ATP2C1: variants seen among roughly 807,000 people sequenced by gnomAD.
ATP2C1 encodes the protein ATPase secretory pathway Ca2+ transporting 1.
ATP2C1 carries 31 observed loss-of-function variants against 120.5 expected under a neutral mutation model. That is an observed-to-expected ratio of 0.26 (90% CI 0.19 to 0.35). The LOEUF (loss-of-function observed/expected upper bound fraction) is 0.35. Ranked by LOEUF, ATP2C1 falls within the 10% of genes least tolerant of loss-of-function variation. The pLI is 1.00. For missense variants in ATP2C1, 731 were observed against 1,107.5 expected (o/e 0.66, Z 4.83); for synonymous variants, 351 against 358.7 (o/e 0.98, Z 0.24).
intron 1 of ATP2C1, among the ~76,000 whole-genome samples, chr3:130,865,674 A>C (rs1190024962): frequency 2.0e-5 from 3 of 152,204 alleles, no homozygotes; most frequent in African/African-American, 7.2e-5. Context: ...TGGGTTTATC[A>C]GGGGTTTCTG....
At chr3:130,949,898 T>C (rs918809816) in intron 8 of ATP2C1, among the ~76,000 whole-genome samples, 10 of 152,138 alleles carry the variant, frequency 6.6e-5, no homozygotes, top group Non-Finnish European at 1.5e-4. Context: ...TTTTGGAAGA[T>C]TGTTTTCTGG....
chr3:130,856,822 A>G (rs2067855928), intron 1 of ATP2C1, among the ~76,000 whole-genome samples: 1 of 152,172 alleles, frequency 6.6e-6, no homozygotes, highest in Admixed American at 6.6e-5. Flanking sequence ...GGAGGAAAAG[A>G]TTTTCCTTGT....
rs1329817993 is a variant in ATP2C1 at position 130,967,203 on chromosome 3, A to G, written c.1181A>G (p.His394Arg). ...GTGATTGTTGATGGTGATGTTGTTC[A>G]TGGATTCTATAACCCAGCTGTTAGC... is the stretch of plus-strand genomic sequence containing the variant. Reference protein sequence around the residue: ...GEVIVDGDVVHGFYNPAVSRI... With the variant: ...GEVIVDGDVVRGFYNPAVSRI... Residue 394 changes from histidine (H) to arginine (R), a missense_variant, in exon 15 of 28, where the codon CAT (histidine) becomes CGT (arginine). His to Arg is a conservative substitution (Grantham distance 29). This residue lies in a region of ATP2C1 where 571 missense variants were observed against 845.9 expected (regional missense o/e 0.67). Coordinates refer to ENST00000510168, the MANE Select transcript of ATP2C1 (RefSeq NM_001378687.1). 12 of 1,613,794 alleles carry G rather than the reference A, an allele frequency of 7.4e-6. No individual in the cohort carries two copies. The East Asian group carries it at 2.5e-4, about 33-fold the overall frequency.
chr3:131,008,245 C>T (rs796669689), intron 26 of ATP2C1, among the ~76,000 whole-genome samples: 8 of 152,148 alleles, frequency 5.3e-5, no homozygotes, highest in African/African-American at 1.9e-4. Flanking sequence ...CGAGACCAGT[C>T]TGGCCAACAT....
chr3:130,867,683 C>A (rs1414824142), intron 1 of ATP2C1, among the ~76,000 whole-genome samples: 1 of 150,816 alleles, frequency 6.6e-6, no homozygotes, highest in East Asian at 2.0e-4. Context: ...CCCAAAGAGC[C>A]GAGATTGCAG....
intron 20 of ATP2C1, among the ~76,000 whole-genome samples, chr3:130,990,708 GT>G (rs1227609190): frequency 6.6e-6 from 1 of 152,188 alleles, no homozygotes; most frequent in Non-Finnish European, 1.5e-5. Flanking sequence ...AAGAAAATCA[GT>G]TTGGAGGTAT....
chr3:130,972,912 A>T (rs563489622), intron 17 of ATP2C1, among the ~76,000 whole-genome samples: 1 of 152,270 alleles, frequency 6.6e-6, no homozygotes, highest in African/African-American at 2.4e-5. Context: ...AAACCAACAG[A>T]GAAAGGGATC....
chr3:130,853,071 A>G (rs2067725775), intron 1 of ATP2C1, among the ~76,000 whole-genome samples: 1 of 152,190 alleles, frequency 6.6e-6, no homozygotes, highest in Non-Finnish European at 1.5e-5. Flanking sequence ...TAATTCCTCA[A>G]TATTTTTCTG....
At chr3:130,986,244 G>A (rs989451601) in intron 20 of ATP2C1, among the ~76,000 whole-genome samples, 2 of 139,902 alleles carry the variant, frequency 1.4e-5, no homozygotes, top group Non-Finnish European at 3.1e-5. Flanking sequence ...GTTTATTTCT[G>A]AATAAATCCC....
At chr3:130,996,855 TTAAG>T in intron 24 of ATP2C1, 59 bp downstream of exon 24, 1 of 1,190,488 alleles carries the variant, frequency 8.4e-7, no homozygotes, top group East Asian at 2.3e-5. Context: ...ACCCTGATAA[TTAAG>T]TTTTAAAACT....
chr3:131,001,199 C>G, intron 27 of ATP2C1, 21 bp from the exon 28 acceptor site: 1 of 1,606,960 alleles, frequency 6.2e-7, no homozygotes, highest in Non-Finnish European at 8.5e-7. Flanking sequence ...AATGTAAAAC[C>G]CAACTTATTT....
At chr3:130,940,905 ATTTTTTTT>A (rs749879416) in intron 7 of ATP2C1, among the ~76,000 whole-genome samples, 11 of 86,114 alleles carry the variant, frequency 1.3e-4, no homozygotes, top group South Asian at 9.3e-4. Context: ...TATTTAACAG[ATTTTTTTT>A]TTTTTTTTTT....
intron 17 of ATP2C1, among the ~76,000 whole-genome samples, chr3:130,973,052 A>G (rs1238334143): frequency 7.5e-6 from 1 of 133,120 alleles, no homozygotes; most frequent in Non-Finnish European, 1.7e-5. Flanking sequence ...AGTCAAAGAC[A>G]TGTACAGTAT....
chr3:130,955,725 G>A (rs1158638073), intron 10 of ATP2C1: 2 of 227,946 alleles, frequency 8.8e-6, no homozygotes, highest in East Asian at 1.2e-4. Context: ...AAAGACCTGG[G>A]TTACTAGCAT....
rs200906704 is a variant in ATP2C1, at chr3:130,894,825, G to T, written c.6+50G>T. 2 of 1,559,012 alleles carry T rather than the reference G, an allele frequency of 1.3e-6. No individual in the cohort carries two copies. Among genetic ancestry groups the T allele is most frequent in the African/African-American group, 2.7e-5 (2 of 73,712 alleles). On this transcript the variant is annotated intron_variant, in intron 2 of 27. Transcript: ENST00000510168. This position sits in a 1 kb window ranked among gnomAD's most constrained non-coding sequence, Gnocchi z 4.5. The stretch of plus-strand genomic sequence containing the variant: ...GCAACGCGGAGTTGAGGGTGTGGTG[G>T]TTTGCTTTTAAGTTGTCTTTGTTTT...
chr3:131,002,577 G>T lies in ATP2C1; in HGVS notation c.*1227G>T, dbSNP rs1247864676. The T allele has an allele frequency of 1.0e-6, 1 of 985,256 alleles. No homozygotes were observed. Among genetic ancestry groups the T allele is most frequent in the African/African-American group, 1.7e-5 (1 of 57,230 alleles). The allele number at this position is 985,256 out of a possible 1,614,324, so 61.0% of individuals were successfully genotyped here. ...TCAGTTTTTATGAAAGCTTGATGAGGTATAGGTCATTTGTTTTGAGTATGT... is the reference window on the plus strand; with the variant it reads ...TCAGTTTTTATGAAAGCTTGATGAGTTATAGGTCATTTGTTTTGAGTATGT... On this transcript the variant is annotated 3_prime_UTR_variant, in exon 28 of 28. Transcript: ENST00000510168.
Position 130,999,643 on chromosome 3 carries a change from G to A in ATP2C1, c.2613G>A (p.Glu871=), listed in dbSNP as rs144839903. The change falls in exon 27 of 28, where the codon GAG becomes GAA. Residue 871 remains glutamate, a synonymous_variant. Coordinates refer to ENST00000510168, the MANE Select transcript of ATP2C1 (RefSeq NM_001378687.1). ...FPPLQKVFQT[E]SLSILDLLFL... ...CGCTTCAGAAGGTTTTTCAGACTGA[G>A]AGCCTAAGCATACTGGGTAAAGAAA... The A allele has an allele frequency of 3.1e-6, 5 of 1,612,720 alleles. No individual in the cohort carries two copies. The African/African-American group carries it at 6.7e-5, about 22-fold the overall frequency.
At chr3:130,858,941 T>C (rs1306432261) in intron 1 of ATP2C1, among the ~76,000 whole-genome samples, 1 of 152,166 alleles carries the variant, frequency 6.6e-6, no homozygotes, top group Non-Finnish European at 1.5e-5. Flanking sequence ...GGGATTATGA[T>C]ATACTAATAA....
intron 4 of ATP2C1, 121 bp from the exon 5 acceptor site, chr3:130,934,501 C>CT (rs1352872309): frequency 1.2e-5 from 8 of 666,914 alleles, no homozygotes; most frequent in Non-Finnish European, 1.6e-5. Context: ...ATAAAATAAA[C>CT]TGAGTATAGA....
Sources: gnomAD v4.1 joint callset for allele counts (sites outside exome capture counted in the v4.1 genomes callset) on GRCh38, gnomAD v4.1.1 for gene constraint, gnomAD v4.1.1 regional missense constraint, Gnocchi (gnomAD v3.1) non-coding constraint, MANE v1.5 for transcripts, NCBI Gene and HGNC (gene_info 2026-07-23, HGNC 2026-07-21) for gene names.